Variants in COL23A1 observed in about 807,000 individuals in gnomAD.
The protein encoded by COL23A1 is collagen alpha-1(XXIII) chain.
In COL23A1, 97 loss-of-function variants were observed where a neutral mutation model predicts 99.3. The ratio of observed to expected loss-of-function variants is 0.98; its 90% CI spans 0.83 to 1.16. COL23A1 has a LOEUF of 1.16. Among genes scored for constraint, COL23A1 ranks in the 50% most tolerant of loss-of-function variants. COL23A1 has a pLI of 0.00. For missense variants in COL23A1, 762 were observed against 757.4 expected (o/e 1.01, Z -0.07); for synonymous variants, 320 against 308.2 (o/e 1.04, Z -0.40).
At chr5:178,560,059 G>C (rs536319812) in intron 2 of COL23A1, among the ~76,000 whole-genome samples, 1 of 152,188 alleles carries the variant, frequency 6.6e-6, no homozygotes, top group Non-Finnish European at 1.5e-5. Flanking sequence ...CCTGTGCAAA[G>C]CTCCCCTGAG....
chr5:178,338,415 A>G (rs1048295109), intron 2 of COL23A1, among the ~76,000 whole-genome samples: 1 of 152,236 alleles, frequency 6.6e-6, no homozygotes, highest in Admixed American at 6.5e-5. Context: ...ACTCTCAGCA[A>G]GGACTGCCTT....
chr5:178,345,653 A>C (rs1382273218), intron 2 of COL23A1, among the ~76,000 whole-genome samples: 1 of 150,350 alleles, frequency 6.7e-6, no homozygotes, highest in Non-Finnish European at 1.5e-5. Context: ...AGTAGCTGGG[A>C]CTACAGGTGC....
intron 1 of COL23A1, among the ~76,000 whole-genome samples, chr5:178,583,609 G>A (rs1763771111): frequency 6.6e-6 from 1 of 152,186 alleles, no homozygotes; most frequent in East Asian, 1.9e-4. Context: ...ATAAATGCAG[G>A]CAATCCACAC....
At chr5:178,328,757 G>A (rs969538079) in intron 2 of COL23A1, among the ~76,000 whole-genome samples, 1 of 152,284 alleles carries the variant, frequency 6.6e-6, no homozygotes, top group South Asian at 2.1e-4. Flanking sequence ...ACCAACCCCC[G>A]TCAACGTTAG....
intron 2 of COL23A1, among the ~76,000 whole-genome samples, chr5:178,495,573 T>C (rs1024057232): frequency 6.6e-6 from 1 of 152,012 alleles, no homozygotes; most frequent in African/African-American, 2.4e-5. Flanking sequence ...AGGGCACCAA[T>C]GCATGGAAAA....
rs551717947 is a variant in COL23A1, at chr5:178,310,289, C to T, written c.362-3370G>A. On this transcript the variant is annotated intron_variant, in intron 2 of 28. Coordinates refer to ENST00000390654, the MANE Select transcript of COL23A1 (RefSeq NM_173465.4). The surrounding 1 kb of genome is among the most constrained non-coding windows in gnomAD (Gnocchi z 4.3). ...GCCGCAGGAGTGGGGGCAGGACGGA[C>T]GGCCTCTCCTGAGTCTCTGGACTAT... is the stretch of plus-strand genomic sequence containing the variant. 1.4e-4 allele frequency among the ~76,000 whole-genome samples: 22 copies of T among 152,288 alleles called. No homozygotes were observed. The highest frequency in any genetic ancestry group is 4.8e-4 in the African/African-American group (20 of 41,566).
chr5:178,247,903 C>T, intron 20 of COL23A1, 72 bp from the exon 21 acceptor site: 1 of 1,338,130 alleles, frequency 7.5e-7, no homozygotes, highest in Non-Finnish European at 1.1e-6. Flanking sequence ...GAGCTCATCG[C>T]ACACTGCTGG....
intron 2 of COL23A1, among the ~76,000 whole-genome samples, chr5:178,357,761 C>T (rs4976722): frequency 0.62 from 85,298 of 137,812 alleles, 24,047 homozygotes; most frequent in South Asian, 0.68. Flanking sequence ...TGTGTGTGTA[C>T]GTGTATGTAT....
rs920348710 is a variant in COL23A1 at position 178,415,534 on chromosome 5, C to T, written c.362-108615G>A. On this transcript the variant is annotated intron_variant, in intron 2 of 28. Coordinates refer to ENST00000390654, the MANE Select transcript of COL23A1 (RefSeq NM_173465.4). This position sits in a 1 kb window ranked among gnomAD's most constrained non-coding sequence, Gnocchi z 4.6. The stretch of plus-strand genomic sequence containing the variant: ...GAACACTTCTACTGTCTCCTGACCT[C>T]TCCACAGCCAGAGGACACGAGGGAC... 6.6e-6 allele frequency among the ~76,000 whole-genome samples: 1 copy of T among 152,176 alleles called. No individual in the cohort carries two copies. Among genetic ancestry groups the T allele is most frequent in the Non-Finnish European group, 1.5e-5 (1 of 68,034 alleles).
At position 178,310,865 on chromosome 5, in the gene COL23A1, CAGA is replaced by C. The variant is rs1403980507; in HGVS notation, c.362-3949_362-3947del. 6.6e-6 allele frequency among the ~76,000 whole-genome samples: 1 copy of C among 152,014 alleles called. No individual in the cohort carries two copies. Among genetic ancestry groups the C allele is most frequent in the Non-Finnish European group, 1.5e-5 (1 of 68,016 alleles). On this transcript the variant is annotated intron_variant, in intron 2 of 28. Coordinates refer to ENST00000390654, the MANE Select transcript of COL23A1 (RefSeq NM_173465.4). The surrounding 1 kb of genome is among the most constrained non-coding windows in gnomAD (Gnocchi z 4.3). ...TTCTTGTTTTTCTTCTTTCTACAAGCAGAAGAACCTTTCCTGCTGCTGCCTGAG... is the reference window on the plus strand; with the variant it reads ...TTCTTGTTTTTCTTCTTTCTACAAGCAGAACCTTTCCTGCTGCTGCCTGAG...
chr5:178,330,778 T>C (rs898588780), intron 2 of COL23A1, among the ~76,000 whole-genome samples: 1 of 152,184 alleles, frequency 6.6e-6, no homozygotes, highest in Non-Finnish European at 1.5e-5. Context: ...TAGGACCTCC[T>C]CTCTGCTCTT....
intron 2 of COL23A1, among the ~76,000 whole-genome samples, chr5:178,391,756 C>T (rs112269068): frequency 6.6e-6 from 1 of 152,282 alleles, no homozygotes; most frequent in Non-Finnish European, 1.5e-5. Context: ...AAACATCTGT[C>T]CATACAAACA....
intron 2 of COL23A1, among the ~76,000 whole-genome samples, chr5:178,319,862 G>A (rs11745722): frequency 0.43 from 65,482 of 150,872 alleles, 14,866 homozygotes; most frequent in East Asian, 0.79. Context: ...CACTCCGAGG[G>A]CATCTGTAAG....
intron 1 of COL23A1, among the ~76,000 whole-genome samples, chr5:178,565,568 T>C (rs915209296): frequency 6.6e-6 from 1 of 152,118 alleles, no homozygotes; most frequent in Non-Finnish European, 1.5e-5. Context: ...TGATAACAAA[T>C]ACAACTGAAG....
At chr5:178,507,995 T>C (rs1332007562) in intron 2 of COL23A1, among the ~76,000 whole-genome samples, 1 of 147,538 alleles carries the variant, frequency 6.8e-6, no homozygotes, top group African/African-American at 2.5e-5. Flanking sequence ...TCTCTGAGGC[T>C]CCGTTCTCTC....
intron 24 of COL23A1, 67 bp from the exon 25 acceptor site, chr5:178,246,035 G>T (rs1400642214): frequency 1.9e-6 from 3 of 1,573,828 alleles, no homozygotes; most frequent in Non-Finnish European, 1.7e-6. Context: ...CTGCTGGGAA[G>T]TCCAGCCCTG....
In COL23A1 at chr5:178,539,722, C is replaced by T. The variant is rs150100938; in HGVS notation, c.361+20960G>A. Among the ~76,000 whole-genome samples, 453 of 152,120 alleles carry T rather than the reference C, an allele frequency of 3.0e-3. 4 individuals are homozygous for T. Among genetic ancestry groups the T allele is most frequent in the African/African-American group, 0.01 (431 of 41,506 alleles). The stretch of plus-strand genomic sequence containing the variant: ...ACTTCAGAAAAAAAGCAACACTAAA[C>T]CTTACACATTTTTTTCCAGAGAATA... On this transcript the variant is annotated intron_variant, in intron 2 of 28. Transcript: ENST00000390654.
At position 178,383,904 on chromosome 5, in the gene COL23A1, G is replaced by A. The variant is rs188282798; in HGVS notation, c.362-76985C>T. ...AGAAAAAAAAAAAAAAGGCAGAGACGAAAAGAATCTCAGAAAAAGATAGAC... is the reference window on the plus strand; with the variant it reads ...AGAAAAAAAAAAAAAAGGCAGAGACAAAAAGAATCTCAGAAAAAGATAGAC... On this transcript the variant is annotated intron_variant, in intron 2 of 28. Coordinates refer to ENST00000390654, the MANE Select transcript of COL23A1 (RefSeq NM_173465.4). 2.9e-3 allele frequency among the ~76,000 whole-genome samples: 444 copies of A among 151,560 alleles called. 1 individual carries two copies. Among genetic ancestry groups the A allele is most frequent in the Admixed American group, 4.5e-3 (68 of 15,242 alleles).
intron 2 of COL23A1, among the ~76,000 whole-genome samples, chr5:178,451,151 C>T (rs1188773670): frequency 1.3e-5 from 2 of 152,108 alleles, no homozygotes; most frequent in African/African-American, 2.4e-5. Context: ...TTAAATCTAT[C>T]GAACAATTAT....
Sources: gnomAD v4.1 joint callset for allele counts (sites outside exome capture counted in the v4.1 genomes callset) on GRCh38, gnomAD v4.1.1 for gene constraint, Gnocchi (gnomAD v3.1) non-coding constraint, MANE v1.5 for transcripts, NCBI Gene and HGNC (gene_info 2026-07-23, HGNC 2026-07-21) for gene names.